Variants in SAMD12 observed in about 807,000 individuals in gnomAD.
The protein encoded by SAMD12 is sterile alpha motif domain-containing protein 12.
In SAMD12, 9 loss-of-function variants were observed where a neutral mutation model predicts 15.0. The ratio of observed to expected loss-of-function variants is 0.60; its 90% CI spans 0.36 to 1.05. The LOEUF is 1.05. SAMD12 is among the 50% of genes least tolerant of loss of function. The pLI, the probability that SAMD12 is intolerant of heterozygous loss-of-function variation, is 0.01. For missense variants in SAMD12, 230 were observed against 234.2 expected (o/e 0.98, Z 0.12); for synonymous variants, 86 against 90.1 (o/e 0.96, Z 0.25).
the SAMD12 span, among the ~76,000 whole-genome samples, chr8:118,155,049 T>C: frequency 1.3e-5 from 2 of 152,202 alleles, no homozygotes; most frequent in African/African-American, 4.8e-5. Context: ...TAAATTTTAG[T>C]TACATCTGCA....
intron 3 of SAMD12, among the ~76,000 whole-genome samples, chr8:118,418,667 C>T (rs955818010): frequency 2.0e-5 from 3 of 151,154 alleles, no homozygotes; most frequent in Non-Finnish European, 4.4e-5. Context: ...TGCAGTGAGC[C>T]GAGATTGCGC....
At chr8:118,293,191 C>A (rs186532284) in intron 4 of SAMD12, among the ~76,000 whole-genome samples, 2 of 152,218 alleles carry the variant, frequency 1.3e-5, no homozygotes, top group Admixed American at 6.5e-5. Context: ...CAGAAACCAG[C>A]TGAATGTTTT....
At chr8:118,241,693 C>T (rs1225036664) in intron 4 of SAMD12, among the ~76,000 whole-genome samples, 1 of 152,070 alleles carries the variant, frequency 6.6e-6, no homozygotes, top group Non-Finnish European at 1.5e-5. Flanking sequence ...AATCAGTTTC[C>T]TCATCCATGA....
chr8:118,522,167 CACACACACACAT>C (rs1346398234), intron 2 of SAMD12, among the ~76,000 whole-genome samples: 2 of 50,386 alleles, frequency 4.0e-5, no homozygotes, highest in Admixed American at 1.9e-4. Context: ...AACACACACA[CACACACACACAT>C]ACACACACAC....
In SAMD12 at chr8:118,267,055, TTA is replaced by T. The variant is rs1009616183; in HGVS notation, c.434-69325_434-69324del. Among the ~76,000 whole-genome samples the T allele has an allele frequency of 4.6e-5, 7 of 151,926 alleles. No homozygotes were observed. In the South Asian group the frequency reaches 1.5e-3, roughly 32 times the overall value. ...GTTGGCTTGACTTAGCCATTCTGTT[TTA>T]TATATATATATCAAAATATCATGCT... On this transcript the variant is annotated intron_variant, in intron 4 of 4. Transcript: ENST00000409003.
At chr8:118,179,061 C>T in the SAMD12 span, among the ~76,000 whole-genome samples, 67 of 152,296 alleles carry the variant, frequency 4.4e-4, no homozygotes, top group Admixed American at 1.0e-3. Flanking sequence ...ACTCCCTCCT[C>T]CCATGGCTGG....
rs1041328783 is a variant in SAMD12, at chr8:118,431,704, G to A, written c.322+8128C>T. 5.7e-4 allele frequency among the ~76,000 whole-genome samples: 87 copies of A among 151,654 alleles called. 1 individual carries two copies. The highest frequency in any genetic ancestry group is 2.0e-3 in the African/African-American group (82 of 41,296). Reference sequence around the variant, plus strand: ...ACCTTTGTCGTGTGTGTGTGTGTGTGTGTGTGTGTGTGTGTGTGTGTGTGT... The same window carrying A: ...ACCTTTGTCGTGTGTGTGTGTGTGTATGTGTGTGTGTGTGTGTGTGTGTGT... On this transcript the variant is annotated intron_variant, in intron 3 of 3. Coordinates refer to ENST00000314727, the MANE Select transcript of SAMD12 (RefSeq NM_207506.3).
At chr8:118,327,963 T>C (rs1481715390) in intron 4 of SAMD12, among the ~76,000 whole-genome samples, 1 of 152,208 alleles carries the variant, frequency 6.6e-6, no homozygotes, top group African/African-American at 2.4e-5. Flanking sequence ...TGACATATTT[T>C]CACCTGTTTA....
chr8:118,336,920 C>CA (rs1817106448), intron 4 of SAMD12, among the ~76,000 whole-genome samples: 2 of 152,142 alleles, frequency 1.3e-5, no homozygotes, highest in African/African-American at 4.8e-5. Flanking sequence ...GACAGAAAAC[C>CA]AAACACTGCA....
intron 4 of SAMD12, among the ~76,000 whole-genome samples, chr8:118,291,882 T>C (rs1427099548): frequency 2.0e-5 from 3 of 151,040 alleles, no homozygotes; most frequent in African/African-American, 7.3e-5. Context: ...AGCTGACTCA[T>C]TGCCAACACC....
At chr8:118,446,190 A>C (rs1822905589) in intron 2 of SAMD12, among the ~76,000 whole-genome samples, 1 of 151,394 alleles carries the variant, frequency 6.6e-6, no homozygotes, top group Non-Finnish European at 1.5e-5. Context: ...CTGTTTAAAG[A>C]CATCACTGTT....
At chr8:118,562,890 C>T (rs1826748638) in intron 2 of SAMD12, among the ~76,000 whole-genome samples, 1 of 151,920 alleles carries the variant, frequency 6.6e-6, no homozygotes, top group African/African-American at 2.4e-5. Flanking sequence ...AGAAGTCAGG[C>T]CTGGAGATAA....
chr8:118,507,743 G>A (rs1347044626), intron 2 of SAMD12, among the ~76,000 whole-genome samples: 1 of 152,100 alleles, frequency 6.6e-6, no homozygotes, highest in Non-Finnish European at 1.5e-5. Flanking sequence ...CAACACAGGT[G>A]AAAAACACAG....
chr8:118,355,513 T>C (rs1818186521), intron 4 of SAMD12, among the ~76,000 whole-genome samples: 1 of 152,002 alleles, frequency 6.6e-6, no homozygotes, highest in Non-Finnish European at 1.5e-5. Context: ...CAAAAGCTTA[T>C]GGAAAAAAAA....
chr8:118,596,481 T>C (rs1231093683), intron 1 of SAMD12, among the ~76,000 whole-genome samples: 1 of 152,178 alleles, frequency 6.6e-6, no homozygotes, highest in African/African-American at 2.4e-5. Flanking sequence ...CTATATCTAA[T>C]GCCCACCTCC....
intron 2 of SAMD12, among the ~76,000 whole-genome samples, chr8:118,481,074 C>A (rs937117434): frequency 4.6e-5 from 7 of 152,170 alleles, no homozygotes; most frequent in Non-Finnish European, 7.3e-5. Context: ...TCCTGAATAG[C>A]TGGGATTACA....
At chr8:118,470,599 A>T (rs145194697) in intron 2 of SAMD12, among the ~76,000 whole-genome samples, 187 of 152,350 alleles carry the variant, frequency 1.2e-3, no homozygotes, top group Non-Finnish European at 2.3e-3. Context: ...GAGAACAAGT[A>T]AGCTGATGCA....
At chr8:118,541,949 G>A (rs1471415107) in intron 2 of SAMD12, among the ~76,000 whole-genome samples, 2 of 152,142 alleles carry the variant, frequency 1.3e-5, no homozygotes, top group African/African-American at 4.8e-5. Flanking sequence ...AGTCTCCTGA[G>A]TAGCTGGGAT....
downstream of SAMD12, among the ~76,000 whole-genome samples, chr8:118,185,786 C>T (rs1040856672): frequency 1.2e-4 from 18 of 152,150 alleles, no homozygotes; most frequent in Admixed American, 2.6e-4. Flanking sequence ...GATAGGCTAA[C>T]GGGGTTGAAC....
Sources: allele counts gnomAD v4.1 joint callset (sites outside exome capture counted in the v4.1 genomes callset), GRCh38; gene constraint gnomAD v4.1.1; transcripts MANE v1.5; gene names NCBI Gene and HGNC (gene_info 2026-07-23, HGNC 2026-07-21).